Variants in GRM3 observed in about 807,000 individuals in gnomAD.
GRM3 encodes glutamate metabotropic receptor 3, also known as metabotropic glutamate receptor 3.
Under a neutral mutation model 70.5 loss-of-function variants are expected in GRM3, and 26 were observed. The ratio of observed to expected loss-of-function variants is 0.37; its 90% CI spans 0.27 to 0.51. The LOEUF is 0.51. Ranked by LOEUF, GRM3 falls within the 20% of genes least tolerant of loss-of-function variation. The pLI, the probability that GRM3 is intolerant of heterozygous loss-of-function variation, is 0.93. For missense variants in GRM3, 859 were observed against 1,123.8 expected, an observed-to-expected ratio of 0.76 and a Z score of 3.37; for synonymous variants, 443 against 434.9, an observed-to-expected ratio of 1.02 and a Z score of -0.23.
chr7:86,842,845 A>G (rs6954573), intron 4 of GRM3, among the ~76,000 whole-genome samples: 18 of 152,268 alleles, frequency 1.2e-4, no homozygotes, highest in African/African-American at 3.4e-4. Context: ...TGTGGGCTCC[A>G]TAAGAGTTAT....
intron 4 of GRM3, among the ~76,000 whole-genome samples, chr7:86,848,108 C>A (rs775111230): frequency 1.2e-4 from 18 of 152,296 alleles, no homozygotes; most frequent in Non-Finnish European, 2.5e-4. Flanking sequence ...ACATCCATGA[C>A]CTTGGTAGGC....
At chr7:86,714,674 T>G (rs2116191590) in intron 1 of GRM3, among the ~76,000 whole-genome samples, 1 of 152,188 alleles carries the variant, frequency 6.6e-6, no homozygotes, top group Non-Finnish European at 1.5e-5. Flanking sequence ...AAGATTCAAT[T>G]TATTATCTAC....
At chr7:86,650,331 AT>A (rs1417520918) in intron 1 of GRM3, among the ~76,000 whole-genome samples, 1 of 150,082 alleles carries the variant, frequency 6.7e-6, no homozygotes, top group Non-Finnish European at 1.5e-5. Flanking sequence ...TTTACTACCA[AT>A]ATTGCCTCAC....
chr7:86,708,164 A>G (rs1223591704), intron 1 of GRM3, among the ~76,000 whole-genome samples: 1 of 152,178 alleles, frequency 6.6e-6, no homozygotes, highest in Non-Finnish European at 1.5e-5. Flanking sequence ...CTTTCAACCC[A>G]TAGGCCCTTT....
intron 1 of GRM3, among the ~76,000 whole-genome samples, chr7:86,750,847 G>A (rs141575408): frequency 9.2e-5 from 14 of 152,134 alleles, no homozygotes; most frequent in African/African-American, 2.6e-4. Context: ...AGGACTTGGC[G>A]AAAGCTTGAG....
At chr7:86,775,750 C>T (rs1796869406) in intron 2 of GRM3, among the ~76,000 whole-genome samples, 1 of 151,954 alleles carries the variant, frequency 6.6e-6, no homozygotes, top group South Asian at 2.1e-4. Flanking sequence ...CAAATATGTA[C>T]TTTCTCATCT....
At chr7:86,671,795 A>G (rs1794179546) in intron 1 of GRM3, among the ~76,000 whole-genome samples, 1 of 152,130 alleles carries the variant, frequency 6.6e-6, no homozygotes, top group African/African-American at 2.4e-5. Flanking sequence ...TCTTTACTCA[A>G]TCTAAATTTT....
intron 1 of GRM3, 85 bp downstream of exon 1, chr7:86,644,957 G>A (rs1793420535): frequency 1.5e-6 from 1 of 674,182 alleles, no homozygotes; most frequent in Non-Finnish European, 2.3e-6. Context: ...GGCAGGCGCA[G>A]CCGGGAAAGT....
intron 5 of GRM3, among the ~76,000 whole-genome samples, chr7:86,851,221 T>G (rs1234979646): frequency 6.6e-6 from 1 of 152,150 alleles, no homozygotes; most frequent in Non-Finnish European, 1.5e-5. Context: ...GGAATAGATC[T>G]TCCTCCTACT....
chr7:86,853,146 T>C (rs913148588), intron 5 of GRM3, among the ~76,000 whole-genome samples: 32 of 152,128 alleles, frequency 2.1e-4, no homozygotes, highest in Non-Finnish European at 3.4e-4. Context: ...TATTGGGTCA[T>C]GAAATTTAGT....
chr7:86,700,386 G>A (rs1398497229), intron 1 of GRM3, among the ~76,000 whole-genome samples: 1 of 151,816 alleles, frequency 6.6e-6, no homozygotes, highest in Non-Finnish European at 1.5e-5. Context: ...CATTCAATAT[G>A]GGAGATTTTA....
At chr7:86,825,553 C>T (rs559461708) in intron 3 of GRM3, among the ~76,000 whole-genome samples, 5 of 152,270 alleles carry the variant, frequency 3.3e-5, no homozygotes, top group East Asian at 1.9e-4. Context: ...ATTCTCTTTA[C>T]GTGATAGTAC....
intron 1 of GRM3, among the ~76,000 whole-genome samples, chr7:86,660,024 T>A (rs802447): frequency 0.67 from 101,296 of 151,826 alleles, 34,154 homozygotes; most frequent in East Asian, 0.87. Flanking sequence ...ACTGTCCTAC[T>A]TTATTCTTTT....
chr7:86,730,453 T>G (rs535686270), intron 1 of GRM3, among the ~76,000 whole-genome samples: 1 of 152,172 alleles, frequency 6.6e-6, no homozygotes, highest in Non-Finnish European at 1.5e-5. Flanking sequence ...CTCATAGCCA[T>G]AGAGGAAAGC....
intron 5 of GRM3, among the ~76,000 whole-genome samples, chr7:86,859,308 T>G (rs1468707658): frequency 6.6e-6 from 1 of 152,072 alleles, no homozygotes. Flanking sequence ...CCCTGTGAAA[T>G]CTCTGACATA....
chr7:86,799,741 G>A (rs1797639287), intron 3 of GRM3, among the ~76,000 whole-genome samples: 1 of 152,126 alleles, frequency 6.6e-6, no homozygotes, highest in Admixed American at 6.6e-5. Flanking sequence ...GTGTTAGCCA[G>A]GATGGTCTCG....
At chr7:86,852,998 T>C (rs1328631647) in intron 5 of GRM3, among the ~76,000 whole-genome samples, 1 of 152,154 alleles carries the variant, frequency 6.6e-6, no homozygotes, top group African/African-American at 2.4e-5. Flanking sequence ...ATTTATTCAT[T>C]CATTAAATTA....
intron 1 of GRM3, among the ~76,000 whole-genome samples, chr7:86,705,558 C>G (rs1168054510): frequency 2.0e-5 from 3 of 152,012 alleles, no homozygotes; most frequent in African/African-American, 7.2e-5. Flanking sequence ...GCTCTAGAAG[C>G]CTTTTAAATT....
At chr7:86,834,646 T>A (rs1042209946) in intron 3 of GRM3, among the ~76,000 whole-genome samples, 2 of 151,942 alleles carry the variant, frequency 1.3e-5, no homozygotes, top group African/African-American at 4.8e-5. Context: ...TATTGTTTGT[T>A]AAGTACACTA....
Sources: gnomAD v4.1 joint callset for allele counts (sites outside exome capture counted in the v4.1 genomes callset) on GRCh38, gnomAD v4.1.1 for gene constraint, MANE v1.5 for transcripts, NCBI Gene and HGNC (gene_info 2026-07-23, HGNC 2026-07-21) for gene names.